Variants in PTGFRN observed in about 807,000 individuals in gnomAD.
The protein encoded by PTGFRN is prostaglandin F2 receptor inhibitor, also known as prostaglandin F2 receptor negative regulator.
PTGFRN carries 35 observed loss-of-function variants against 83.2 expected under a neutral mutation model. The ratio of observed to expected loss-of-function variants is 0.42; its 90% CI spans 0.32 to 0.56. PTGFRN has a LOEUF of 0.56. Ranked by LOEUF, PTGFRN falls within the 20% of genes least tolerant of loss-of-function variation. The pLI is 0.11. For synonymous variants in PTGFRN, 519 were observed against 498.6 expected, an observed-to-expected ratio of 1.04 and a Z score of -0.55; for missense variants, 1,051 against 1,179.5, an observed-to-expected ratio of 0.89 and a Z score of 1.60.
At chr1:116,932,911 C>G (rs913776674) in intron 1 of PTGFRN, among the ~76,000 whole-genome samples, 5 of 152,192 alleles carry the variant, frequency 3.3e-5, no homozygotes, top group African/African-American at 9.7e-5. Context: ...TTATGACCTT[C>G]AGGAGGTTAT....
chr1:116,963,290 C>T (rs80209294), intron 5 of PTGFRN, among the ~76,000 whole-genome samples: 2,441 of 152,322 alleles, frequency 0.016, 69 homozygotes, highest in African/African-American at 0.054. Context: ...TGCATACCAC[C>T]TTCTGTCTCT....
chr1:116,974,066 A>C, intron 6 of PTGFRN, 150 bp from the exon 7 acceptor site: 2 of 595,766 alleles, frequency 3.4e-6, no homozygotes, highest in South Asian at 4.4e-5. Context: ...TCTGAATAGA[A>C]GAGAGGCAAC....
rs1378671353 is a variant in PTGFRN, at chr1:116,988,228, A to T, written c.*1261A>T. 3 of 152,214 alleles carry T rather than the reference A, an allele frequency of 2.0e-5. No homozygotes were observed. Among genetic ancestry groups the T allele is most frequent in the African/African-American group, 2.4e-5 (1 of 41,422 alleles). 9.4% of individuals were successfully genotyped at this position (152,214 alleles called of 1,614,324 possible). ...CTTTGTGGTATGTTTTGCTTTCCTAATAGGGACATGAAGGAAACCCAGCAA... is the reference window on the plus strand; with the variant it reads ...CTTTGTGGTATGTTTTGCTTTCCTATTAGGGACATGAAGGAAACCCAGCAA... On this transcript the variant is annotated 3_prime_UTR_variant, in exon 9 of 9. Coordinates refer to ENST00000393203, the MANE Select transcript of PTGFRN (RefSeq NM_020440.4).
Position 116,944,893 on chromosome 1 carries a change from C to T in PTGFRN, c.633C>T (p.Tyr211=), listed in dbSNP as rs746206423. 4.3e-6 allele frequency: 7 copies of T among 1,610,856 alleles called. No homozygotes were observed. The South Asian group carries it at 4.4e-5, about 10-fold the overall frequency. The change falls in exon 3 of 9, where the codon TAC becomes TAT. Residue 211 remains tyrosine (Y), a synonymous_variant. Transcript: ENST00000393203. ...HEGRFHPGLG[Y]EQRYHSGDVR... Reference sequence around the variant, plus strand: ...GCAGGTTCCACCCGGGCCTGGGGTACGAGCAGCGCTACCACAGTGGGGACG... The same window carrying T: ...GCAGGTTCCACCCGGGCCTGGGGTATGAGCAGCGCTACCACAGTGGGGACG...
intron 4 of PTGFRN, among the ~76,000 whole-genome samples, chr1:116,955,005 G>A (rs949416171): frequency 1.3e-5 from 2 of 152,182 alleles, no homozygotes; most frequent in African/African-American, 2.4e-5. Context: ...GTAAAAGGAG[G>A]TATTTTGTAT....
At chr1:116,970,672 G>A (rs1650971399) in intron 6 of PTGFRN, among the ~76,000 whole-genome samples, 2 of 152,116 alleles carry the variant, frequency 1.3e-5, no homozygotes, top group African/African-American at 2.4e-5. Context: ...AGTTGTCATG[G>A]CCAGTTCACA....
intron 8 of PTGFRN, among the ~76,000 whole-genome samples, chr1:116,985,529 T>C (rs989533566): frequency 6.6e-6 from 1 of 151,922 alleles, no homozygotes; most frequent in Non-Finnish European, 1.5e-5. Context: ...AAACCCCGTC[T>C]CTACTAAAAA....
At chr1:116,963,338 C>A (rs979352518) in intron 5 of PTGFRN, among the ~76,000 whole-genome samples, 3 of 152,364 alleles carry the variant, frequency 2.0e-5, no homozygotes, top group East Asian at 1.9e-4. Context: ...CAGCTGTTGG[C>A]CCTGCTTCCT....
At chr1:116,986,757 C>T (rs544436876) in intron 8 of PTGFRN, 44 bp from the exon 9 acceptor site, 1 of 1,595,818 alleles carries the variant, frequency 6.3e-7, no homozygotes, top group African/African-American at 1.3e-5. Context: ...AAGCGGCCTC[C>T]CTCGCAGCAC....
chr1:116,966,672 A>T (rs1443415507), intron 5 of PTGFRN, among the ~76,000 whole-genome samples: 2 of 152,172 alleles, frequency 1.3e-5, no homozygotes, highest in Non-Finnish European at 2.9e-5. Flanking sequence ...ACCAGTTCTC[A>T]CCATAATTTC....
intron 1 of PTGFRN, among the ~76,000 whole-genome samples, chr1:116,920,117 T>C (rs538137878): frequency 5.1e-4 from 78 of 152,368 alleles, no homozygotes; most frequent in African/African-American, 1.8e-3. Flanking sequence ...GGCTGGTGCC[T>C]CTTCACAACA....
At chr1:116,964,085 C>G (rs527271205) in intron 5 of PTGFRN, among the ~76,000 whole-genome samples, 17 of 150,754 alleles carry the variant, frequency 1.1e-4, no homozygotes, top group African/African-American at 3.5e-4. Context: ...GGGCGCCCCC[C>G]CTTTTTTATG....
At chr1:116,925,426 C>CA (rs1276104922) in intron 1 of PTGFRN, among the ~76,000 whole-genome samples, 6 of 136,430 alleles carry the variant, frequency 4.4e-5, no homozygotes, top group South Asian at 4.5e-4. Flanking sequence ...GACTCCCTCT[C>CA]AAAAAAAAGA....
At chr1:116,927,359 G>A (rs1310644620) in intron 1 of PTGFRN, among the ~76,000 whole-genome samples, 8 of 152,048 alleles carry the variant, frequency 5.3e-5, no homozygotes, top group Admixed American at 5.2e-4. Context: ...TGGCCTCCCA[G>A]GATCTCTCAA....
rs888499971 is a variant in PTGFRN at position 116,938,473 on chromosome 1, C to T, written c.50-3242C>T. ...AGAGAAGAGCGCTTGTGCAGGGAAC[C>T]TCCCCTTTTTATAACCATCAGATCT... On this transcript the variant is annotated intron_variant, in intron 1 of 8. Transcript: ENST00000393203. 3.0e-4 allele frequency among the ~76,000 whole-genome samples: 46 copies of T among 152,158 alleles called. 1 individual carries two copies. Among genetic ancestry groups the T allele is most frequent in the African/African-American group, 1.1e-3 (45 of 41,428 alleles).
At chr1:116,939,695 A>T (rs1650015516) in intron 1 of PTGFRN, among the ~76,000 whole-genome samples, 1 of 152,200 alleles carries the variant, frequency 6.6e-6, no homozygotes, top group East Asian at 1.9e-4. Context: ...CTTCTCAGAA[A>T]ATGGGTTTTT....
chr1:116,913,848 C>T (rs1649335573), intron 1 of PTGFRN, among the ~76,000 whole-genome samples: 1 of 152,180 alleles, frequency 6.6e-6, no homozygotes, highest in African/African-American at 2.4e-5. Flanking sequence ...ACTAGTGCAA[C>T]ATAAATTGGA....
rs770489914 is a variant in PTGFRN, at chr1:116,974,174, G to A, written c.2060-42G>A. The stretch of plus-strand genomic sequence containing the variant: ...GTGCAAAGAATGGAATTTGACAAAA[G>A]CATGAAAGAGAATAATGAGGCTGGC... On this transcript the variant is annotated intron_variant, in intron 6 of 8. Coordinates refer to ENST00000393203, the MANE Select transcript of PTGFRN (RefSeq NM_020440.4). The A allele has an allele frequency of 9.0e-6, 13 of 1,441,142 alleles. No individual in the cohort carries two copies. The African/African-American group carries it at 1.5e-4, about 17-fold the overall frequency. The allele number at this position is 1,441,142 out of a possible 1,614,324, so 89.3% of individuals were successfully genotyped here. A position where few individuals can be genotyped will look rare whatever the true frequency, so the allele number is the denominator to read the frequency against.
rs111622572 is a variant in PTGFRN at position 116,969,508 on chromosome 1, A to G, written c.2059+2178A>G. 3.8e-3 allele frequency among the ~76,000 whole-genome samples: 581 copies of G among 152,252 alleles called. 3 individuals carry two copies. The highest frequency in any genetic ancestry group is 0.013 in the African/African-American group (555 of 41,560). On this transcript the variant is annotated intron_variant, in intron 6 of 8. Transcript: ENST00000393203. ...CATGGTTTGATTACTGTAGCTTTGTAGTTAGTTTTGAAATCAAGAAGTTGG... is the reference window on the plus strand; with the variant it reads ...CATGGTTTGATTACTGTAGCTTTGTGGTTAGTTTTGAAATCAAGAAGTTGG...
Sources: allele counts gnomAD v4.1 joint callset (sites outside exome capture counted in the v4.1 genomes callset), GRCh38; gene constraint gnomAD v4.1.1; transcripts MANE v1.5; gene names NCBI Gene and HGNC (gene_info 2026-07-23, HGNC 2026-07-21).